The following CLSTN2 variants were observed in gnomAD, a reference collection of about 807,000 sequenced individuals.
CLSTN2 encodes the protein calsyntenin-2.
CLSTN2 carries 48 observed loss-of-function variants against 101.2 expected under a neutral mutation model. The observed-to-expected ratio is 0.47, with a 90% CI of 0.38 to 0.60. CLSTN2 has a LOEUF of 0.60. Among genes scored for constraint, CLSTN2 ranks in the 20% least tolerant of loss-of-function variants. The pLI is 0.00. For synonymous variants in CLSTN2, 481 were observed against 463.6 expected (o/e 1.04, Z -0.48); for missense variants, 1,160 against 1,238.2 (o/e 0.94, Z 0.95).
intron 1 of CLSTN2, among the ~76,000 whole-genome samples, chr3:140,173,560 C>T (rs1576455231): frequency 6.6e-6 from 1 of 152,250 alleles, no homozygotes; most frequent in Admixed American, 6.5e-5. Flanking sequence ...TCCGACCCCA[C>T]ATTTCCCTTC....
intron 1 of CLSTN2, among the ~76,000 whole-genome samples, chr3:140,171,417 A>G (rs1357140677): frequency 6.6e-6 from 1 of 151,648 alleles, no homozygotes; most frequent in Non-Finnish European, 1.5e-5. Context: ...ATGGGTGAGA[A>G]GGAGCAAAAT....
chr3:140,338,939 G>T (rs2087467280), intron 2 of CLSTN2, among the ~76,000 whole-genome samples: 1 of 152,184 alleles, frequency 6.6e-6, no homozygotes, highest in Admixed American at 6.5e-5. Context: ...CTAATGAGCT[G>T]GGGAGCACAG....
intron 1 of CLSTN2, among the ~76,000 whole-genome samples, chr3:140,001,992 A>G (rs2006851336): frequency 6.6e-6 from 1 of 152,194 alleles, no homozygotes. Flanking sequence ...CATTGTGCAT[A>G]AGTACCACAT....
intron 5 of CLSTN2, among the ~76,000 whole-genome samples, chr3:140,433,728 A>G (rs906862444): frequency 3.9e-5 from 6 of 152,220 alleles, no homozygotes; most frequent in Non-Finnish European, 8.8e-5. Context: ...GTCACAAGGC[A>G]GAACTGTGTC....
At chr3:140,027,419 A>G (rs1305786041) in intron 1 of CLSTN2, among the ~76,000 whole-genome samples, 1 of 152,170 alleles carries the variant, frequency 6.6e-6, no homozygotes, top group Non-Finnish European at 1.5e-5. Context: ...AATGAATGCC[A>G]AGCTCCACCA....
intron 1 of CLSTN2, among the ~76,000 whole-genome samples, chr3:139,997,521 T>A (rs2006697591): frequency 6.6e-6 from 1 of 152,194 alleles, no homozygotes; most frequent in South Asian, 2.1e-4. Flanking sequence ...TATGAAGATC[T>A]CTTTATGTGC....
chr3:140,391,380 C>T (rs868488410), intron 2 of CLSTN2, among the ~76,000 whole-genome samples: 2 of 87,106 alleles, frequency 2.3e-5, no homozygotes, highest in Non-Finnish European at 2.6e-5. Context: ...GGGGGGTGGG[C>T]GGGAGGGGCG....
At chr3:140,087,084 G>T (rs1372699248) in intron 1 of CLSTN2, among the ~76,000 whole-genome samples, 1 of 152,048 alleles carries the variant, frequency 6.6e-6, no homozygotes, top group African/African-American at 2.4e-5. Context: ...CTTTTGTTTG[G>T]TGGAGGTTTT....
chr3:140,174,224 G>T (rs1378387027), intron 1 of CLSTN2, among the ~76,000 whole-genome samples: 3 of 152,126 alleles, frequency 2.0e-5, no homozygotes, highest in African/African-American at 7.2e-5. Context: ...AGTGTCTAGG[G>T]CAGGGGCAAA....
At chr3:140,546,367 T>C (rs1331231027) in intron 9 of CLSTN2, 148 bp from the exon 10 acceptor site, 5 of 718,062 alleles carry the variant, frequency 7.0e-6, no homozygotes, top group South Asian at 6.1e-5. Flanking sequence ...ACTGAGATTC[T>C]GGCTACTGTG....
intron 8 of CLSTN2, among the ~76,000 whole-genome samples, chr3:140,500,103 G>A (rs1934548584): frequency 6.6e-6 from 1 of 152,014 alleles, no homozygotes; most frequent in African/African-American, 2.4e-5. Context: ...AAGTAGGAAA[G>A]ATTGGAAATT....
intron 1 of CLSTN2, among the ~76,000 whole-genome samples, chr3:140,123,955 T>C (rs1457099699): frequency 6.6e-6 from 1 of 152,064 alleles, no homozygotes; most frequent in Non-Finnish European, 1.5e-5. Context: ...AAAAGCCCTA[T>C]CTACAAAAAC....
intron 9 of CLSTN2, among the ~76,000 whole-genome samples, chr3:140,544,675 G>C (rs1218079074): frequency 1.3e-5 from 2 of 152,036 alleles, no homozygotes; most frequent in African/African-American, 4.8e-5. Flanking sequence ...GGTGGTGAAG[G>C]GTATGTTAAA....
intron 2 of CLSTN2, among the ~76,000 whole-genome samples, chr3:140,212,058 A>G (rs1576468921): frequency 1.3e-5 from 2 of 152,162 alleles, no homozygotes; most frequent in Non-Finnish European, 2.9e-5. Context: ...TCCAAACATC[A>G]TGGATCTCAT....
chr3:140,143,525 C>T (rs1038962534), intron 1 of CLSTN2, among the ~76,000 whole-genome samples: 8 of 152,148 alleles, frequency 5.3e-5, no homozygotes, highest in African/African-American at 1.9e-4. Context: ...TGCTAATTTC[C>T]TCCAGAAACA....
intron 2 of CLSTN2, among the ~76,000 whole-genome samples, chr3:140,303,774 T>G (rs2087084186): frequency 6.6e-6 from 1 of 151,974 alleles, no homozygotes; most frequent in South Asian, 2.1e-4. Flanking sequence ...GCAGTGCTCC[T>G]GTATCCTAAG....
At chr3:140,356,885 T>C (rs2087677118) in intron 2 of CLSTN2, among the ~76,000 whole-genome samples, 2 of 152,144 alleles carry the variant, frequency 1.3e-5, no homozygotes, top group Admixed American at 1.3e-4. Flanking sequence ...TGGGTACCAG[T>C]TACTCTGTGG....
chr3:140,122,866 G>A (rs1453998943), intron 1 of CLSTN2, among the ~76,000 whole-genome samples: 1 of 152,150 alleles, frequency 6.6e-6, no homozygotes, highest in Non-Finnish European at 1.5e-5. Flanking sequence ...ACTTCGTAAA[G>A]CATAGTTTTA....
intron 1 of CLSTN2, among the ~76,000 whole-genome samples, chr3:140,100,296 T>G (rs1374169823): frequency 6.6e-6 from 1 of 152,130 alleles, no homozygotes; most frequent in Non-Finnish European, 1.5e-5. Context: ...ATTATTTCCC[T>G]CCTTCTCCCT....
Sources: allele counts gnomAD v4.1 joint callset (sites outside exome capture counted in the v4.1 genomes callset), GRCh38; gene constraint gnomAD v4.1.1; transcripts MANE v1.5; gene names NCBI Gene and HGNC (gene_info 2026-07-23, HGNC 2026-07-21).